Variants in SLC9A9 observed in about 807,000 individuals in gnomAD.
SLC9A9 encodes the protein solute carrier family 9 member A9, also known as sodium/hydrogen exchanger 9.
A neutral mutation model predicts 77.8 loss-of-function variants in SLC9A9; 62 were observed. The ratio of observed to expected loss-of-function variants is 0.80; its 90% CI spans 0.65 to 0.98. The LOEUF is 0.98. Ranked by LOEUF, SLC9A9 falls within the 50% of genes least tolerant of loss-of-function variation. SLC9A9 has a pLI of 0.00. For missense variants in SLC9A9, 775 were observed against 774.9 expected, an observed-to-expected ratio of 1.00 and a Z score of 0.00; for synonymous variants, 320 against 283.5, an observed-to-expected ratio of 1.13 and a Z score of -1.29.
At chr3:143,666,981 C>T (rs1245598922) in intron 5 of SLC9A9, among the ~76,000 whole-genome samples, 2 of 152,324 alleles carry the variant, frequency 1.3e-5, no homozygotes, top group East Asian at 3.9e-4. Context: ...GAAAAAACTA[C>T]TTTAAAGTTC....
At chr3:143,433,154 A>G (rs2034556171) in intron 12 of SLC9A9, among the ~76,000 whole-genome samples, 1 of 152,174 alleles carries the variant, frequency 6.6e-6, no homozygotes. Flanking sequence ...ACAGAAATCA[A>G]TCTTGATAAG....
At chr3:143,681,612 C>A (rs1236651042) in intron 5 of SLC9A9, among the ~76,000 whole-genome samples, 1 of 152,184 alleles carries the variant, frequency 6.6e-6, no homozygotes, top group Non-Finnish European at 1.5e-5. Flanking sequence ...TTGCTGAGTT[C>A]TTTTTATAAG....
chr3:143,697,603 C>A (rs1933676766), intron 4 of SLC9A9, among the ~76,000 whole-genome samples: 1 of 151,978 alleles, frequency 6.6e-6, no homozygotes. Flanking sequence ...GAGTTTGAAT[C>A]CAGGCAGCTG....
intron 12 of SLC9A9, among the ~76,000 whole-genome samples, chr3:143,400,125 A>C (rs2033819112): frequency 6.6e-6 from 1 of 152,180 alleles, no homozygotes; most frequent in Admixed American, 6.5e-5. Flanking sequence ...AAAGTGTGAA[A>C]AAACGTGCAG....
intron 8 of SLC9A9, among the ~76,000 whole-genome samples, chr3:143,569,073 G>GAATCAACAT (rs2037218285): frequency 6.6e-6 from 1 of 151,902 alleles, no homozygotes; most frequent in Non-Finnish European, 1.5e-5. Context: ...TCCTGGGTGG[G>GAATCAACAT]AAGACTTGAT....
chr3:143,727,938 T>C (rs1313796345), intron 4 of SLC9A9, among the ~76,000 whole-genome samples: 1 of 152,238 alleles, frequency 6.6e-6, no homozygotes, highest in South Asian at 2.1e-4. Context: ...GTAGCTACCA[T>C]GGCCCCATGC....
At chr3:143,422,719 G>A (rs921072208) in intron 12 of SLC9A9, among the ~76,000 whole-genome samples, 5 of 152,134 alleles carry the variant, frequency 3.3e-5, no homozygotes, top group Admixed American at 6.5e-5. Flanking sequence ...ACCTGCATGT[G>A]TAACCCTGAA....
chr3:143,395,953 G>A (rs2033718666), intron 12 of SLC9A9, among the ~76,000 whole-genome samples: 2 of 152,174 alleles, frequency 1.3e-5, no homozygotes, highest in Non-Finnish European at 2.9e-5. Flanking sequence ...GAAACAACAA[G>A]TGCTGGAGAG....
At chr3:143,450,591 A>G (rs1204125527) in intron 12 of SLC9A9, among the ~76,000 whole-genome samples, 1 of 70,708 alleles carries the variant, frequency 1.4e-5, no homozygotes, top group Non-Finnish European at 2.3e-5. Context: ...AACACTGCTC[A>G]AATGCCTCCT....
At chr3:143,536,063 C>T (rs1212354131) in intron 9 of SLC9A9, among the ~76,000 whole-genome samples, 1 of 152,150 alleles carries the variant, frequency 6.6e-6, no homozygotes, top group Non-Finnish European at 1.5e-5. Flanking sequence ...TTATCTATGG[C>T]ATAATAGAAT....
intron 2 of SLC9A9, among the ~76,000 whole-genome samples, chr3:143,806,252 G>T (rs1298153151): frequency 6.6e-6 from 1 of 151,970 alleles, no homozygotes; most frequent in Non-Finnish European, 1.5e-5. Context: ...CTTTCAAGCT[G>T]CCTCTCAAAA....
At chr3:143,651,657 A>G (rs2038797852) in intron 6 of SLC9A9, among the ~76,000 whole-genome samples, 1 of 152,226 alleles carries the variant, frequency 6.6e-6, no homozygotes, top group South Asian at 2.1e-4. Context: ...GTAAGTGTCT[A>G]AAGGGGAGGT....
chr3:143,472,971 C>T (rs887112997), intron 11 of SLC9A9, among the ~76,000 whole-genome samples: 2 of 151,810 alleles, frequency 1.3e-5, no homozygotes, highest in African/African-American at 2.4e-5. Flanking sequence ...TTTCTGTTAC[C>T]TCATCTCCAA....
chr3:143,608,286 A>G (rs969251766), intron 6 of SLC9A9, among the ~76,000 whole-genome samples: 5 of 152,200 alleles, frequency 3.3e-5, no homozygotes, highest in Admixed American at 2.6e-4. Context: ...TTCTTGCAGC[A>G]AGGGGTACAT....
intron 2 of SLC9A9, among the ~76,000 whole-genome samples, chr3:143,812,106 C>A (rs552152992): frequency 3.7e-4 from 56 of 152,182 alleles, no homozygotes; most frequent in African/African-American, 1.3e-3. Flanking sequence ...TTACTCAAAC[C>A]TGTTGAGCTA....
At chr3:143,325,061 CTCT>C (rs2031538867) in intron 14 of SLC9A9, among the ~76,000 whole-genome samples, 1 of 147,496 alleles carries the variant, frequency 6.8e-6, no homozygotes, top group Non-Finnish European at 1.5e-5. Flanking sequence ...TTGTTTCTGT[CTCT>C]TCTTATTAAC....
At chr3:143,632,385 G>T (rs1414359539) in intron 6 of SLC9A9, among the ~76,000 whole-genome samples, 1 of 152,048 alleles carries the variant, frequency 6.6e-6, no homozygotes. Flanking sequence ...AAGCCTGGGG[G>T]TCACAACTGG....
intron 2 of SLC9A9, among the ~76,000 whole-genome samples, chr3:143,805,610 C>A (rs773119874): frequency 2.6e-5 from 4 of 152,078 alleles, no homozygotes; most frequent in Non-Finnish European, 5.9e-5. Flanking sequence ...TGATGACATA[C>A]CACCACAAAA....
At chr3:143,560,125 T>G (rs1246535543) in intron 8 of SLC9A9, among the ~76,000 whole-genome samples, 1 of 152,374 alleles carries the variant, frequency 6.6e-6, no homozygotes, top group East Asian at 1.9e-4. Flanking sequence ...TGGGTATTAA[T>G]GTACATCTGA....
Sources: allele counts gnomAD v4.1 joint callset (sites outside exome capture counted in the v4.1 genomes callset), GRCh38; gene constraint gnomAD v4.1.1; transcripts MANE v1.5; gene names NCBI Gene and HGNC (gene_info 2026-07-23, HGNC 2026-07-21).